Variants in NOP14 observed in about 807,000 individuals in gnomAD.
The protein encoded by NOP14 is NOP14 nucleolar protein, also known as nucleolar protein 14.
A neutral mutation model predicts 101.6 loss-of-function variants in NOP14; 57 were observed. That is an observed-to-expected ratio of 0.56 (90% CI 0.45 to 0.70). The LOEUF (loss-of-function observed/expected upper bound fraction) is 0.70. NOP14 is among the 30% of genes least tolerant of loss of function. The pLI, the probability that NOP14 is intolerant of heterozygous loss-of-function variation, is 0.00. For synonymous variants in NOP14, 428 were observed against 424.0 expected (o/e 1.01, Z -0.12); for missense variants, 1,134 against 1,075.5 (o/e 1.05, Z -0.76).
In NOP14 at chr4:2,952,316, C is replaced by G. The variant is rs1343838654; in HGVS notation, c.829G>C (p.Glu277Gln). ...QPSNRMKTEA[E>Q]LAKEEQEHLR... ...TGCTCCTGCTCTTCCTTTGCCAATT[C>G]TGCCTCCGTCTTCATCCTGTTAGAG... is the stretch of plus-strand genomic sequence containing the variant. Residue 277 changes from glutamate to glutamine, a missense_variant, in exon 6 of 18, where the codon GAA becomes CAA. Coordinates refer to ENST00000416614, the MANE Select transcript of NOP14 (RefSeq NM_001291978.2). 1 of 1,613,950 alleles carries G rather than the reference C, an allele frequency of 6.2e-7. No individual in the cohort carries two copies. Among genetic ancestry groups the G allele is most frequent in the South Asian group, 1.1e-5 (1 of 91,068 alleles).
In NOP14 at chr4:2,939,595, G is replaced by A. The variant is rs777041028; in HGVS notation, c.2250C>T (p.Cys750=). 5.0e-6 allele frequency: 8 copies of A among 1,613,934 alleles called. No homozygotes were observed. Among genetic ancestry groups the A allele is most frequent in the Non-Finnish European group, 6.8e-6 (8 of 1,180,028 alleles). The part of the protein sequence containing the change: ...LTEMESQKQL[C]RPLTCEKSKP... ...TGCTCTTCTCACAGGTCAGCGGCCGGCAGAGCTGCTTCTGGCTTTCCATTT... is the reference window on the plus strand; with the variant it reads ...TGCTCTTCTCACAGGTCAGCGGCCGACAGAGCTGCTTCTGGCTTTCCATTT... The change falls in exon 16 of 18, where the codon TGC becomes TGT. Residue 750 remains cysteine, a synonymous_variant. Coordinates refer to ENST00000416614, the MANE Select transcript of NOP14 (RefSeq NM_001291978.2).
intron 5 of NOP14, 145 bp downstream of exon 5, chr4:2,953,366 G>T: frequency 1.3e-6 from 1 of 796,900 alleles, no homozygotes. Flanking sequence ...ATTACACACA[G>T]CAGGTAATTC....
chr4:2,946,308 G>C, intron 11 of NOP14, 104 bp downstream of exon 11: 1 of 1,354,196 alleles, frequency 7.4e-7, no homozygotes. Flanking sequence ...CATCACCCTG[G>C]AAGCACAGGG....
chr4:2,939,455 G>A, intron 16 of NOP14, 72 bp downstream of exon 16: 2 of 1,594,230 alleles, frequency 1.3e-6, no homozygotes, highest in East Asian at 2.2e-5. Context: ...CTGCAGAACT[G>A]GCAGACGCCC....
At chr4:2,947,317 C>G (rs1235560122) in intron 10 of NOP14, 1 of 578,200 alleles carries the variant, frequency 1.7e-6, no homozygotes, top group Admixed American at 3.3e-5. Flanking sequence ...AAGTCAGTCC[C>G]AGCTCTACAG....
At chr4:2,941,474 T>C in intron 15 of NOP14, 108 bp downstream of exon 15, 2 of 995,840 alleles carry the variant, frequency 2.0e-6, no homozygotes, top group Non-Finnish European at 3.0e-6. Flanking sequence ...GCAAAGATGG[T>C]GTTGACTTAC....
intron 8 of NOP14, among the ~76,000 whole-genome samples, chr4:2,949,180 C>T (rs1273455900): frequency 6.6e-6 from 1 of 152,168 alleles, no homozygotes; most frequent in Admixed American, 6.5e-5. Flanking sequence ...AATAATTCGG[C>T]ATTGCTTACT....
At chr4:2,955,166 C>T (rs1236972373) in intron 3 of NOP14, among the ~76,000 whole-genome samples, 1 of 120,478 alleles carries the variant, frequency 8.3e-6, no homozygotes, top group Non-Finnish European at 1.8e-5. Context: ...CCCCTCTAGT[C>T]ACCTGCACGC....
At chr4:2,939,392 C>A in intron 16 of NOP14, 49 bp from the exon 17 acceptor site, 1 of 1,612,242 alleles carries the variant, frequency 6.2e-7, no homozygotes. Flanking sequence ...GTCCCCACCT[C>A]TCAGCCAGAG....
Position 2,939,159 on chromosome 4 carries a change from A to G in NOP14, c.2474+29T>C, listed in dbSNP as rs534216918. 10 of 1,612,978 alleles carry G rather than the reference A, an allele frequency of 6.2e-6. No homozygotes were observed. In the African/African-American group the frequency reaches 9.3e-5, roughly 15 times the overall value. On this transcript the variant is annotated intron_variant, in intron 17 of 17. Transcript: ENST00000416614. ...AGCACCAAAGCTGAGTGACACCACA[A>G]TCGTGTCGCACACACACGTCCCCCT... is the stretch of plus-strand genomic sequence containing the variant.
At chr4:2,946,267 G>T (rs1028798486) in intron 11 of NOP14, 145 bp downstream of exon 11, 22 of 845,552 alleles carry the variant, frequency 2.6e-5, no homozygotes, top group Non-Finnish European at 4.1e-5. Context: ...TCTCACTCCA[G>T]ATCACCCTCG....
chr4:2,960,415 G>A (rs1357068021), intron 1 of NOP14, among the ~76,000 whole-genome samples: 1 of 152,054 alleles, frequency 6.6e-6, no homozygotes, highest in Non-Finnish European at 1.5e-5. Flanking sequence ...ATGATTCTAT[G>A]GGTAAATCTT....
At position 2,963,388 on chromosome 4, in the gene NOP14, C is replaced by T; in HGVS notation, c.-69G>A. ...GACAGGCGCGCGCTACCCTAAGACA[C>T]GTGCCGGGCCGCGGAACCGCTTCCT... On this transcript the variant is annotated 5_prime_UTR_variant, in exon 1 of 18. The change creates a new upstream start codon in the 5' untranslated region. Transcript: ENST00000416614. 1.4e-6 allele frequency: 2 copies of T among 1,415,352 alleles called. No homozygotes were observed. The highest frequency in any genetic ancestry group is 1.8e-6 in the Non-Finnish European group (2 of 1,083,238). The allele number at this position is 1,415,352 out of a possible 1,614,324, so 87.7% of individuals were successfully genotyped here.
At position 2,959,096 on chromosome 4, in the gene NOP14, T is replaced by G. The variant is rs189527576; in HGVS notation, c.196-1356A>C. The stretch of plus-strand genomic sequence containing the variant: ...AAATGTGAAAGTGCTATTATTACAC[T>G]TAAAATGCATGAAAAACCCCTCTGC... On this transcript the variant is annotated intron_variant, in intron 1 of 17. Transcript: ENST00000416614. Among the ~76,000 whole-genome samples the G allele has an allele frequency of 9.8e-4, 149 of 152,322 alleles. 1 individual carries two copies. The highest frequency in any genetic ancestry group is 3.6e-3 in the Admixed American group (55 of 15,304).
In NOP14 at chr4:2,953,405, T is replaced by C. The variant is rs1036815244; in HGVS notation, c.747+106A>G. 21 of 1,266,940 alleles carry C rather than the reference T, an allele frequency of 1.7e-5. 1 individual carries two copies. In the Admixed American group the frequency reaches 4.4e-4, roughly 26 times the overall value. 78.5% of individuals were successfully genotyped at this position (1,266,940 alleles called of 1,614,324 possible). A position where few individuals can be genotyped will look rare whatever the true frequency, so the allele number is the denominator to read the frequency against. On this transcript the variant is annotated intron_variant, in intron 5 of 17. Coordinates refer to ENST00000416614, the MANE Select transcript of NOP14 (RefSeq NM_001291978.2). Reference sequence around the variant, plus strand: ...ATCAATGTTCAACAGAAACTTGCCCTAAAGGAGACAGGTAGAAGAGCCGTC... The same window carrying C: ...ATCAATGTTCAACAGAAACTTGCCCCAAAGGAGACAGGTAGAAGAGCCGTC...
At position 2,938,947 on chromosome 4, in the gene NOP14, G is replaced by A. The variant is rs756059127; in HGVS notation, c.2475-17C>T. 12 of 1,606,774 alleles carry A rather than the reference G, an allele frequency of 7.5e-6. No individual in the cohort carries two copies. Among genetic ancestry groups the A allele is most frequent in the South Asian group, 1.1e-5 (1 of 90,914 alleles). ...TCCGCATCCCTAAAAGAAACAAAAG[G>A]CAAATGCCCATTTTTGGATTAGTTC... is the stretch of plus-strand genomic sequence containing the variant. On this transcript the variant is annotated splice_polypyrimidine_tract_variant and intron_variant, in intron 17 of 17. Transcript: ENST00000416614.
chr4:2,948,601 C>T (rs1714816494), intron 8 of NOP14, among the ~76,000 whole-genome samples, 193 bp from the exon 9 acceptor site: 1 of 152,140 alleles, frequency 6.6e-6, no homozygotes, highest in Non-Finnish European at 1.5e-5. Flanking sequence ...ATTACAGGCA[C>T]TCGCCACCAT....
In NOP14 at chr4:2,948,914, C is replaced by G. The variant is rs956471960; in HGVS notation, c.1283-506G>C. On this transcript the variant is annotated intron_variant, in intron 8 of 17. Transcript: ENST00000416614. Reference sequence around the variant, plus strand: ...CCTGACCTGGGCTGTCAGGTGCGATCACGCACCTGGGAACAGGCTAATAAG... The same window carrying G: ...CCTGACCTGGGCTGTCAGGTGCGATGACGCACCTGGGAACAGGCTAATAAG... 5.3e-5 allele frequency among the ~76,000 whole-genome samples: 8 copies of G among 152,368 alleles called. No individual in the cohort carries two copies. In the East Asian group the frequency reaches 7.7e-4, roughly 15 times the overall value.
Position 2,938,286 on chromosome 4 carries a change from C to T in NOP14, c.*545G>A, listed in dbSNP as rs760593038. On this transcript the variant is annotated 3_prime_UTR_variant, in exon 18 of 18. Coordinates refer to ENST00000416614, the MANE Select transcript of NOP14 (RefSeq NM_001291978.2). ...TGGCTCACACCTATAATTGGGGGGC[C>T]AAGGCAGGTGGATTACCTGAGGTCG... 1 of 1,191,286 alleles carries T rather than the reference C, an allele frequency of 8.4e-7. No individual in the cohort carries two copies. Among genetic ancestry groups the T allele is most frequent in the Non-Finnish European group, 1.1e-6 (1 of 900,098 alleles). 73.8% of individuals were successfully genotyped at this position (1,191,286 alleles called of 1,614,324 possible).
Sources: gnomAD v4.1 joint callset for allele counts (sites outside exome capture counted in the v4.1 genomes callset) on GRCh38, gnomAD v4.1.1 for gene constraint, MANE v1.5 for transcripts, NCBI Gene and HGNC (gene_info 2026-07-23, HGNC 2026-07-21) for gene names.